The following DNAH14 variants were observed in gnomAD, a reference collection of about 807,000 sequenced individuals.
DNAH14 encodes dynein axonemal heavy chain 14, also known as axonemal beta dynein heavy chain 14.
Under a neutral mutation model 520.9 loss-of-function variants are expected in DNAH14, and 478 were observed. The observed-to-expected ratio is 0.92, with a 90% confidence interval of 0.85 to 0.99. The LOEUF is 0.99. Among genes scored for constraint, DNAH14 ranks in the 50% least tolerant of loss-of-function variants. DNAH14 has a pLI of 0.00. For missense variants in DNAH14, 4,831 were observed against 5,234.5 expected (o/e 0.92, Z 2.38); for synonymous variants, 1,581 against 1,757.2 (o/e 0.90, Z 2.51).
intron 17 of DNAH14, among the ~76,000 whole-genome samples, chr1:225,070,050 A>G (rs3128644): frequency 0.8 from 121,303 of 152,070 alleles, 51,741 homozygotes; most frequent in Non-Finnish European, 0.96. Flanking sequence ...GTCAGTGATA[A>G]TATCTCACTT....
chr1:225,035,829 A>G (rs1048183428), intron 11 of DNAH14, among the ~76,000 whole-genome samples: 1 of 152,132 alleles, frequency 6.6e-6, no homozygotes, highest in Non-Finnish European at 1.5e-5. Flanking sequence ...AATGTTCTGT[A>G]AATATCTATT....
chr1:225,093,701 T>G (rs991127198), intron 21 of DNAH14, among the ~76,000 whole-genome samples: 1 of 152,162 alleles, frequency 6.6e-6, no homozygotes, highest in Non-Finnish European at 1.5e-5. Context: ...CTGTCTCTGT[T>G]TGTAGACCAT....
intron 10 of DNAH14, among the ~76,000 whole-genome samples, chr1:225,015,690 G>T (rs2065162164): frequency 3.3e-5 from 5 of 152,208 alleles, no homozygotes; most frequent in Admixed American, 2.0e-4. Context: ...AAATGTTATA[G>T]TAAGCAAATG....
rs1238821764 is a variant in DNAH14, at chr1:225,051,470, T to G, written c.2099T>G (p.Ile700Ser). 3 of 1,512,400 alleles carry G rather than the reference T, an allele frequency of 2.0e-6. No individual in the cohort carries two copies. Among genetic ancestry groups the G allele is most frequent in the Non-Finnish European group, 2.7e-6 (3 of 1,130,140 alleles). The allele number at this position is 1,512,400 out of a possible 1,614,324, so 93.7% of individuals were successfully genotyped here. ...TTACAGATTGTGAATCTCCTGACTA[T>G]TATTGGTAATTCAATGGGCCTAGTT... is the stretch of plus-strand genomic sequence containing the variant. ...YQNIIVNLLT[I>S]IGNSMGLVNA... The change falls in exon 17 of 86, where the codon ATT (isoleucine) becomes AGT (serine). Residue 700 changes from isoleucine to serine, a missense_variant. Ile to Ser is a moderately radical substitution (Grantham distance 142). Transcript: ENST00000682510.
At chr1:224,968,504 A>T (rs2061326783) in intron 6 of DNAH14, among the ~76,000 whole-genome samples, 1 of 152,142 alleles carries the variant, frequency 6.6e-6, no homozygotes, top group Admixed American at 6.5e-5. Context: ...TCTCAGGGTG[A>T]GGAGGAAGTT....
chr1:225,172,833 G>A (rs2149240691), intron 36 of DNAH14, among the ~76,000 whole-genome samples: 1 of 152,274 alleles, frequency 6.6e-6, no homozygotes, highest in South Asian at 2.1e-4. Context: ...AAAGCTGGAG[G>A]CATCACACTA....
intron 66 of DNAH14, among the ~76,000 whole-genome samples, chr1:225,335,567 G>GTACATC (rs1408955070): frequency 2.0e-3 from 120 of 59,920 alleles, no homozygotes; most frequent in South Asian, 4.8e-3. Flanking sequence ...GTACATCTAT[G>GTACATC]TATATACGCA....
At chr1:225,250,638 A>G in intron 43 of DNAH14, 1 of 525,270 alleles carries the variant, frequency 1.9e-6, no homozygotes, top group Non-Finnish European at 3.5e-6. Context: ...AAAGAACATG[A>G]CACATTGGGC....
At chr1:225,346,419 A>T in intron 70 of DNAH14, 37 bp from the exon 71 acceptor site, 1 of 1,530,000 alleles carries the variant, frequency 6.5e-7, no homozygotes. Context: ...ATGCTTATTT[A>T]ATCTCACTGG....
At chr1:225,374,182 T>TATATATATATATACACAC (rs1263904206) in intron 77 of DNAH14, among the ~76,000 whole-genome samples, 1 of 97,120 alleles carries the variant, frequency 1.0e-5, no homozygotes, top group African/African-American at 3.5e-5. Flanking sequence ...TATATATATA[T>TATATATATATATACACAC]ACTATTCTAG....
intron 69 of DNAH14, among the ~76,000 whole-genome samples, chr1:225,343,554 A>C (rs2150402213): frequency 6.6e-6 from 1 of 152,280 alleles, no homozygotes; most frequent in East Asian, 1.9e-4. Context: ...CAATTTTTGC[A>C]ACCATGTTTA....
rs5781402 is a variant in DNAH14, at chr1:225,376,970, G to GTTT, written c.12517-259_12517-257dup. ...TCAGAATCACCCTCACCTTTAAAGC[G>GTTT]TTTTTTTTTTCTTTCTCTCTTTTCC... On this transcript the variant is annotated intron_variant, in intron 78 of 85. Transcript: ENST00000682510. Among the ~76,000 whole-genome samples, 17 of 149,654 alleles carry GTTT rather than the reference G, an allele frequency of 1.1e-4. No individual in the cohort carries two copies. In the East Asian group the frequency reaches 1.9e-3, roughly 17 times the overall value.
chr1:225,138,763 G>A (rs1205451769), intron 27 of DNAH14, among the ~76,000 whole-genome samples: 4 of 152,118 alleles, frequency 2.6e-5, no homozygotes, highest in African/African-American at 9.7e-5. Context: ...TTGGCTCCAT[G>A]CTATTCCCCG....
chr1:225,041,769 A>G (rs1469803372), intron 12 of DNAH14, among the ~76,000 whole-genome samples: 1 of 152,214 alleles, frequency 6.6e-6, no homozygotes, highest in Admixed American at 6.5e-5. Context: ...TAGAAGGTAT[A>G]TATAGCTTGA....
At chr1:225,007,388 T>C in intron 9 of DNAH14, 25 bp from the exon 10 acceptor site, 1 of 1,479,132 alleles carries the variant, frequency 6.8e-7, no homozygotes, top group Non-Finnish European at 9.0e-7. Flanking sequence ...TTTCTAACAC[T>C]GAACATTTAC....
chr1:225,192,874 A>G lies in DNAH14; in HGVS notation c.5849A>G (p.Asp1950Gly). 1.9e-6 allele frequency: 3 copies of G among 1,549,690 alleles called. No homozygotes were observed. The highest frequency in any genetic ancestry group is 2.5e-5 in the East Asian group (1 of 40,736). The change falls in exon 38 of 86, where the codon GAT (aspartate) becomes GGT (glycine). Residue 1950 changes from aspartate to glycine, a missense_variant. Physicochemically the swap from Asp to Gly is moderately conservative, Grantham distance 94 (BLOSUM62 -1). Transcript: ENST00000682510. ...CCAAAGAACACAAAGAAAGACATTG[A>G]TCTCAGACTAAAGTCAAGAATCTCA... ...NTPKNTKKDI[D>G]LRLKSRISDL...
intron 66 of DNAH14, among the ~76,000 whole-genome samples, chr1:225,333,811 C>T (rs2094851869): frequency 6.6e-6 from 1 of 152,084 alleles, no homozygotes. Flanking sequence ...TCATTTAATA[C>T]AATTGATGAA....
chr1:225,398,413 T>G (rs2096055507), intron 84 of DNAH14, 107 bp from the exon 85 acceptor site: 18 of 1,353,934 alleles, frequency 1.3e-5, no homozygotes, highest in Non-Finnish European at 1.6e-5. Context: ...CAACATGCCT[T>G]AGGCAGGATG....
chr1:225,216,048 C>T (rs191874737), intron 41 of DNAH14, among the ~76,000 whole-genome samples: 80 of 152,240 alleles, frequency 5.3e-4, no homozygotes, highest in African/African-American at 1.9e-3. Flanking sequence ...TGTTCCTTTC[C>T]ATGTTTAGTG....
Sources: allele counts gnomAD v4.1 joint callset (sites outside exome capture counted in the v4.1 genomes callset), GRCh38; gene constraint gnomAD v4.1.1; transcripts MANE v1.5; gene names NCBI Gene and HGNC (gene_info 2026-07-23, HGNC 2026-07-21).